USH2A: variants seen among roughly 807,000 people sequenced by gnomAD.
The protein encoded by USH2A is usherin.
In USH2A, 443 loss-of-function variants were observed where a neutral mutation model predicts 538.9. The observed-to-expected ratio is 0.82, with a 90% CI of 0.76 to 0.89. The LOEUF (loss-of-function observed/expected upper bound fraction) is 0.89, where lower values mean the gene tolerates loss of function less well. USH2A is among the 40% of genes least tolerant of loss of function. USH2A has a pLI of 0.00. For missense variants in USH2A, 6,633 were observed against 6,324.8 expected (o/e 1.05, Z -1.65); for synonymous variants, 2,413 against 2,273.5 (o/e 1.06, Z -1.75).
At chr1:216,034,386 G>A (rs1669196252) in intron 32 of USH2A, among the ~76,000 whole-genome samples, 1 of 152,122 alleles carries the variant, frequency 6.6e-6, no homozygotes, top group Middle Eastern at 3.2e-3. Flanking sequence ...TCAACTGAGT[G>A]GCAAAGTAGT....
At chr1:215,803,319 A>G (rs910835854) in intron 49 of USH2A, among the ~76,000 whole-genome samples, 1 of 152,178 alleles carries the variant, frequency 6.6e-6, no homozygotes, top group Non-Finnish European at 1.5e-5. Flanking sequence ...AAGGTATTCA[A>G]TTAGGAAAAG....
In USH2A at chr1:215,671,052, T is replaced by C. The variant is rs1657798161; in HGVS notation, c.14053A>G (p.Asn4685Asp). 6.2e-7 allele frequency: 1 copy of C among 1,614,162 alleles called. No individual in the cohort carries two copies. The highest frequency in any genetic ancestry group is 1.3e-5 in the African/African-American group (1 of 75,054). The change falls in exon 64 of 72, where the codon AAT (asparagine) becomes GAT (aspartate). Residue 4685 changes from asparagine (N) to aspartate (D), a missense_variant. Transcript: ENST00000307340. Reference protein sequence around the residue: ...RQIATQPRKSNPVLIYNGSST... With the variant: ...RQIATQPRKSDPVLIYNGSST... ...CTTCCGTTATAGATTAGGACTGGAT[T>C]GGATTTTCTAGGCTGAGTTGCTATT... is the stretch of plus-strand genomic sequence containing the variant.
At chr1:216,397,629 CT>C (rs1257608221) in intron 3 of USH2A, among the ~76,000 whole-genome samples, 2 of 152,212 alleles carry the variant, frequency 1.3e-5, no homozygotes, top group Non-Finnish European at 2.9e-5. Context: ...TTCCTCCTGC[CT>C]TTAGACATCA....
At chr1:216,224,231 G>A (rs1386764139) in intron 14 of USH2A, among the ~76,000 whole-genome samples, 1 of 152,152 alleles carries the variant, frequency 6.6e-6, no homozygotes, top group African/African-American at 2.4e-5. Context: ...GGGGCTATGG[G>A]GGAGAGTAGT....
intron 58 of USH2A, among the ~76,000 whole-genome samples, chr1:215,747,098 G>C (rs974499383): frequency 6.6e-6 from 1 of 152,168 alleles, no homozygotes; most frequent in Admixed American, 6.5e-5. Flanking sequence ...TGTTTATGCT[G>C]ATGTGCCAGT....
chr1:215,954,113 G>A (rs941100141), intron 37 of USH2A, among the ~76,000 whole-genome samples: 2 of 152,136 alleles, frequency 1.3e-5, no homozygotes, highest in African/African-American at 4.8e-5. Flanking sequence ...TACACTGTTG[G>A]TGGGACTGTA....
intron 62 of USH2A, among the ~76,000 whole-genome samples, chr1:215,679,075 A>AT (rs1347435314): frequency 6.6e-6 from 1 of 152,210 alleles, no homozygotes; most frequent in Non-Finnish European, 1.5e-5. Flanking sequence ...TTCTGTCCAC[A>AT]TGTAGGCAGG....
intron 14 of USH2A, among the ~76,000 whole-genome samples, chr1:216,227,493 G>A (rs991580709): frequency 2.0e-5 from 3 of 152,062 alleles, no homozygotes; most frequent in African/African-American, 7.2e-5. Context: ...ATAGAGAGAT[G>A]TTTGAGTTAA....
chr1:216,246,950 C>T lies in USH2A; in HGVS notation c.2444G>A (p.Cys815Tyr). The change falls in exon 13 of 72, where the codon TGC becomes TAC. Residue 815 changes from cysteine (C) to tyrosine (Y), a missense_variant. Cys to Tyr is a radical substitution (Grantham distance 194). Transcript: ENST00000307340. Reference sequence around the variant, plus strand: ...CCCTTCAACATTGGGCTTGCAGATGCACTGCCCTGTCTTAGCATTACAGAC... The same window carrying T: ...CCCTTCAACATTGGGCTTGCAGATGTACTGCCCTGTCTTAGCATTACAGAC... ...GTVCNAKTGQ[C>Y]ICKPNVEGRQ... The T allele has an allele frequency of 6.2e-7, 1 of 1,614,106 alleles. No individual in the cohort carries two copies. Among genetic ancestry groups the T allele is most frequent in the Non-Finnish European group, 8.5e-7 (1 of 1,179,986 alleles).
intron 60 of USH2A, among the ~76,000 whole-genome samples, chr1:215,736,579 A>G (rs988465198): frequency 6.6e-6 from 1 of 152,060 alleles, no homozygotes; most frequent in African/African-American, 2.4e-5. Context: ...GTGCTGGAAG[A>G]AATAATTAAT....
chr1:216,367,087 C>G (rs2038614492), intron 3 of USH2A, among the ~76,000 whole-genome samples: 1 of 152,098 alleles, frequency 6.6e-6, no homozygotes, highest in African/African-American at 2.4e-5. Context: ...TTTACCCAGC[C>G]AAAAGCTGAT....
At chr1:216,075,567 GCA>G (rs1258967230) in intron 27 of USH2A, among the ~76,000 whole-genome samples, 1 of 152,126 alleles carries the variant, frequency 6.6e-6, no homozygotes, top group Non-Finnish European at 1.5e-5. Flanking sequence ...TCTAGGGAAG[GCA>G]GTACTGCTGC....
chr1:216,214,861 T>G (rs1207222584), intron 15 of USH2A, among the ~76,000 whole-genome samples: 1 of 152,008 alleles, frequency 6.6e-6, no homozygotes, highest in Non-Finnish European at 1.5e-5. Context: ...TATACGTGTG[T>G]GTGTGTATGT....
At position 215,790,006 on chromosome 1, in the gene USH2A, A is replaced by AC. The variant is rs1220004808; in HGVS notation, c.10182+52_10182+53insG. ...TTAGAAAAATAGTTATGAACAATGTATTTCTCTTTCCATTGTCAAATCAGC... is the reference window on the plus strand; with the variant it reads ...TTAGAAAAATAGTTATGAACAATGTACTTTCTCTTTCCATTGTCAAATCAGC... On this transcript the variant is annotated intron_variant, in intron 51 of 71. Transcript: ENST00000307340. 7.8e-6 allele frequency: 12 copies of AC among 1,538,302 alleles called. No individual in the cohort carries two copies. The African/African-American group carries it at 1.6e-4, about 21-fold the overall frequency.
In USH2A at chr1:215,674,211, A is replaced by T; in HGVS notation, c.13700T>A (p.Leu4567His). Residue 4567 changes from leucine to histidine, a missense_variant, in exon 63 of 72, where the codon CTC (leucine) becomes CAC (histidine). Physicochemically the swap from Leu to His is moderately conservative, Grantham distance 99. Coordinates refer to ENST00000307340, the MANE Select transcript of USH2A (RefSeq NM_206933.4). ...RTNGDIINYT[L>H]FIRELFERET... ...TCTTTCAAATAGTTCACGGATGAAG[A>T]GGGTATAATTGATGATATCACCATT... 1 of 1,614,146 alleles carries T rather than the reference A, an allele frequency of 6.2e-7. No individual in the cohort carries two copies. The highest frequency in any genetic ancestry group is 8.5e-7 in the Non-Finnish European group (1 of 1,180,022).
At chr1:215,714,022 G>C (rs1051668987) in intron 61 of USH2A, among the ~76,000 whole-genome samples, 1 of 152,190 alleles carries the variant, frequency 6.6e-6, no homozygotes, top group African/African-American at 2.4e-5. Flanking sequence ...ATTGGTTATT[G>C]AGGTGAAATA....
intron 36 of USH2A, among the ~76,000 whole-genome samples, chr1:215,966,181 C>G (rs907087556): frequency 2.6e-5 from 4 of 152,014 alleles, no homozygotes; most frequent in African/African-American, 7.3e-5. Flanking sequence ...GAGAAAGACT[C>G]TGAAATAAAA....
intron 4 of USH2A, among the ~76,000 whole-genome samples, chr1:216,360,513 T>C (rs374819063): frequency 6.6e-6 from 1 of 152,036 alleles, no homozygotes; most frequent in Non-Finnish European, 1.5e-5. Flanking sequence ...GAGTGAACTT[T>C]AATGTAAACT....
At chr1:216,360,486 T>C (rs948931442) in intron 4 of USH2A, among the ~76,000 whole-genome samples, 1 of 152,118 alleles carries the variant, frequency 6.6e-6, no homozygotes, top group Non-Finnish European at 1.5e-5. Flanking sequence ...TGGATACTTG[T>C]CGTTGTACAA....
Sources: gnomAD v4.1 joint callset for allele counts (sites outside exome capture counted in the v4.1 genomes callset) on GRCh38, gnomAD v4.1.1 for gene constraint, MANE v1.5 for transcripts, NCBI Gene and HGNC (gene_info 2026-07-23, HGNC 2026-07-21) for gene names.